FRMD4B: variants seen among roughly 807,000 people sequenced by gnomAD.
FRMD4B encodes the protein FERM domain-containing protein 4B.
A neutral mutation model predicts 141.5 loss-of-function variants in FRMD4B; 74 were observed. That is an observed-to-expected ratio of 0.52 (90% CI 0.43 to 0.63). The LOEUF (loss-of-function observed/expected upper bound fraction) is 0.63. FRMD4B is among the 30% of genes least tolerant of loss of function. The pLI is 0.00. For synonymous variants in FRMD4B, 506 were observed against 467.9 expected, an observed-to-expected ratio of 1.08 and a Z score of -1.05; for missense variants, 1,366 against 1,253.4, an observed-to-expected ratio of 1.09 and a Z score of -1.36.
At position 69,337,197 on chromosome 3, in the gene FRMD4B, C is replaced by A. The variant is rs1019018566; in HGVS notation, c.163-23680G>T. On this transcript the variant is annotated intron_variant, in intron 1 of 22. Transcript: ENST00000398540. The stretch of plus-strand genomic sequence containing the variant: ...CTTTGACAAACCTGACAAAAACAAG[C>A]AATGGGGAAAGGATTCCCTATTTAA... Among the ~76,000 whole-genome samples the A allele has an allele frequency of 4.0e-5, 6 of 151,262 alleles. No individual in the cohort carries two copies. In the East Asian group the frequency reaches 9.7e-4, roughly 24 times the overall value.
chr3:69,189,935 C>A lies in FRMD4B; in HGVS notation c.1732G>T (p.Glu578Ter), dbSNP rs2092818216. ...GTGGTGTCAGACAAAGAGCTACTCT[C>A]TGAGGGGATTATGTCTTCTGTGAAT... The part of the protein sequence containing the change: ...TVLPEDIIPS[E>*]SSSLSDTTTY... Residue 578 changes from glutamate (E) to a stop codon, truncating the protein, a stop_gained, in exon 18 of 23, where the codon GAG (glutamate) becomes TAG (stop). Transcript: ENST00000398540. LOFTEE classifies it high-confidence loss of function. 3 of 1,597,092 alleles carry A rather than the reference C, an allele frequency of 1.9e-6. No individual in the cohort carries two copies. Among genetic ancestry groups the A allele is most frequent in the Non-Finnish European group, 2.6e-6 (3 of 1,164,932 alleles).
At chr3:69,214,239 T>G (rs752691165) in intron 11 of FRMD4B, among the ~76,000 whole-genome samples, 1 of 152,150 alleles carries the variant, frequency 6.6e-6, no homozygotes, top group Non-Finnish European at 1.5e-5. Flanking sequence ...TAGGGCTGTT[T>G]TATAAAGAGA....
chr3:69,458,802 C>T (rs1248545130), intron 1 of FRMD4B, among the ~76,000 whole-genome samples: 1 of 140,336 alleles, frequency 7.1e-6, no homozygotes, highest in Non-Finnish European at 1.5e-5. Context: ...GTGGGTCTTC[C>T]ATGAGGTGGC....
chr3:69,423,810 A>C (rs1705025106), intron 2 of FRMD4B, among the ~76,000 whole-genome samples: 1 of 152,150 alleles, frequency 6.6e-6, no homozygotes, highest in African/African-American at 2.4e-5. Context: ...GGTCTACCAA[A>C]TCAAGTGGAC....
chr3:69,327,350 A>G (rs1702220278), intron 1 of FRMD4B, among the ~76,000 whole-genome samples: 1 of 152,188 alleles, frequency 6.6e-6, no homozygotes, highest in Non-Finnish European at 1.5e-5. Flanking sequence ...TAATTTAAAG[A>G]TATTCTAGGT....
chr3:69,396,852 C>G (rs538697996), intron 2 of FRMD4B, among the ~76,000 whole-genome samples: 89 of 152,270 alleles, frequency 5.8e-4, no homozygotes, highest in Middle Eastern at 3.4e-3. Flanking sequence ...AAAGTGAAAA[C>G]AGGCATTTTA....
intron 11 of FRMD4B, among the ~76,000 whole-genome samples, chr3:69,210,800 G>C (rs1195916345): frequency 2.0e-5 from 3 of 152,014 alleles, no homozygotes; most frequent in Non-Finnish European, 4.4e-5. Flanking sequence ...GATCACCTGA[G>C]GTCAGGAGTT....
At chr3:69,335,267 C>G (rs780048781) in intron 1 of FRMD4B, among the ~76,000 whole-genome samples, 1 of 151,984 alleles carries the variant, frequency 6.6e-6, no homozygotes, top group Non-Finnish European at 1.5e-5. Context: ...CTTGGCAGAT[C>G]TGAGAAAAGC....
rs540606009 is a variant in FRMD4B at position 69,394,131 on chromosome 3, T to C, written c.-1+38503A>G. Among the ~76,000 whole-genome samples the C allele has an allele frequency of 2.0e-5, 3 of 152,324 alleles. No individual in the cohort carries two copies. The South Asian group carries it at 6.2e-4, about 32-fold the overall frequency. ...ATTTATTTCTCACAGCTCTAGAGGC[T>C]GGGAAGTACAAGATCAAGGTGCTGG... On this transcript the variant is annotated intron_variant, in intron 2 of 5. Transcript: ENST00000459638.
At chr3:69,456,733 TAAAAAA>T (rs60484143) in intron 1 of FRMD4B, among the ~76,000 whole-genome samples, 2 of 129,168 alleles carry the variant, frequency 1.5e-5, no homozygotes, top group East Asian at 2.2e-4. Context: ...TCCATTTTTG[TAAAAAA>T]AAAAAAAAAA....
chr3:69,399,598 C>A (rs1477599269), intron 2 of FRMD4B, among the ~76,000 whole-genome samples: 1 of 152,192 alleles, frequency 6.6e-6, no homozygotes, highest in Non-Finnish European at 1.5e-5. Context: ...GAGAGCCATA[C>A]TGGTCTTCTT....
intron 2 of FRMD4B, among the ~76,000 whole-genome samples, chr3:69,401,039 T>C (rs1422308046): frequency 6.6e-6 from 1 of 152,196 alleles, no homozygotes; most frequent in Non-Finnish European, 1.5e-5. Context: ...CACACTACTA[T>C]ATGGTTTTAG....
intron 11 of FRMD4B, among the ~76,000 whole-genome samples, chr3:69,202,280 A>T (rs2092975824): frequency 6.6e-6 from 1 of 152,182 alleles, no homozygotes; most frequent in Non-Finnish European, 1.5e-5. Flanking sequence ...TTAAAGGAAG[A>T]TACAAGAAAG....
Position 69,393,123 on chromosome 3 carries a change from G to A in FRMD4B, c.-1+39511C>T, listed in dbSNP as rs976685348. ...TTGGCATCACAAAGGGCTAAAAATC[G>A]TAGTAGCTAAATATATCCACCACTA... On this transcript the variant is annotated intron_variant, in intron 2 of 5. Coordinates refer to the FRMD4B transcript ENST00000459638. Among the ~76,000 whole-genome samples, 12 of 152,172 alleles carry A rather than the reference G, an allele frequency of 7.9e-5. 1 individual carries two copies. Among genetic ancestry groups the A allele is most frequent in the African/African-American group, 2.2e-4 (9 of 41,520 alleles).
intron 2 of FRMD4B, among the ~76,000 whole-genome samples, chr3:69,423,543 T>G (rs1237650748): frequency 6.6e-6 from 1 of 152,196 alleles, no homozygotes; most frequent in Non-Finnish European, 1.5e-5. Flanking sequence ...CCCCTAAGCA[T>G]AGTGCTGAAC....
intron 1 of FRMD4B, among the ~76,000 whole-genome samples, chr3:69,483,904 C>A (rs939798292): frequency 2.6e-5 from 4 of 152,080 alleles, no homozygotes; most frequent in Admixed American, 2.6e-4. Context: ...AAACCAGAAC[C>A]CTGCTCAGTG....
chr3:69,398,180 T>C (rs536457209), intron 2 of FRMD4B, among the ~76,000 whole-genome samples: 78 of 152,302 alleles, frequency 5.1e-4, no homozygotes, highest in African/African-American at 1.8e-3. Flanking sequence ...GTTCTGATCA[T>C]TGGATGATTT....
chr3:69,528,365 T>C (rs1700962296), intron 1 of FRMD4B, among the ~76,000 whole-genome samples: 1 of 150,174 alleles, frequency 6.7e-6, no homozygotes, highest in Non-Finnish European at 1.5e-5. Context: ...TTTCTCTCTC[T>C]CTTTTTTTTC....
At chr3:69,178,595 C>A (rs965860409) in intron 21 of FRMD4B, among the ~76,000 whole-genome samples, 2 of 151,436 alleles carry the variant, frequency 1.3e-5, no homozygotes, top group South Asian at 4.2e-4. Flanking sequence ...TCGCGTTGAG[C>A]CAAGGAGTTT....
Sources: allele counts gnomAD v4.1 joint callset (sites outside exome capture counted in the v4.1 genomes callset), GRCh38; gene constraint gnomAD v4.1.1; transcripts MANE v1.5; gene names NCBI Gene and HGNC (gene_info 2026-07-23, HGNC 2026-07-21).